ACO2: variants seen among roughly 807,000 people sequenced by gnomAD.
ACO2 encodes the protein aconitase 2.
A neutral mutation model predicts 84.5 loss-of-function variants in ACO2; 31 were observed. The observed-to-expected ratio is 0.37, with a 90% CI of 0.28 to 0.50. The LOEUF (loss-of-function observed/expected upper bound fraction) is 0.50. Among genes scored for constraint, ACO2 ranks in the 20% least tolerant of loss-of-function variants. The pLI is 0.97. For synonymous variants in ACO2, 414 were observed against 412.7 expected (o/e 1.00, Z -0.04); for missense variants, 685 against 1,029.3 (o/e 0.67, Z 4.58).
rs147690987 is a variant in ACO2 at position 41,473,827 on chromosome 22, C to T, written c.36+4645C>T. Among the ~76,000 whole-genome samples the T allele has an allele frequency of 2.9e-4, 44 of 152,176 alleles. No homozygotes were observed. The East Asian group carries it at 8.3e-3, about 29-fold the overall frequency. ...AATAGAAGGAGCATGTGCAGAGCAC[C>T]CACCTAGGTATGAGCTGAGTGTGTT... is the stretch of plus-strand genomic sequence containing the variant. On this transcript the variant is annotated intron_variant, in intron 1 of 17. Transcript: ENST00000216254.
intron 1 of ACO2, among the ~76,000 whole-genome samples, chr22:41,498,037 G>A (rs935452935): frequency 1.3e-5 from 2 of 152,086 alleles, no homozygotes; most frequent in Admixed American, 6.6e-5. Flanking sequence ...CCAGCTACGC[G>A]GGAGGCTGAG....
intron 1 of ACO2, among the ~76,000 whole-genome samples, chr22:41,475,554 C>G (rs571630722): frequency 2.0e-5 from 3 of 151,984 alleles, no homozygotes; most frequent in Non-Finnish European, 4.4e-5. Context: ...GGCCTCTCAG[C>G]ATGAAGGAAG....
chr22:41,485,167 T>C (rs7289999), intron 1 of ACO2, among the ~76,000 whole-genome samples: 9,409 of 152,146 alleles, frequency 0.062, 929 homozygotes, highest in African/African-American at 0.21. Context: ...CCACTGCTCC[T>C]GGTCAGGTTA....
At chr22:41,499,684 T>C in intron 1 of ACO2, 42 bp from the exon 2 acceptor site, 1 of 1,602,790 alleles carries the variant, frequency 6.2e-7, no homozygotes, top group East Asian at 2.2e-5. Flanking sequence ...TGGACTCTCC[T>C]AAGTGCTCCA....
At position 41,527,439 on chromosome 22, in the gene ACO2, C is replaced by G; in HGVS notation, c.2086+19C>G. ...ATCCACGGTGAGCTGGAGTCTGTAC[C>G]CAGGCCATCCTCATCCCATCCCTAG... On this transcript the variant is annotated intron_variant, in intron 16 of 17. Coordinates refer to ENST00000216254, the MANE Select transcript of ACO2 (RefSeq NM_001098.3). 1 of 1,596,918 alleles carries G rather than the reference C, an allele frequency of 6.3e-7. No homozygotes were observed.
At chr22:41,527,080 C>T (rs965366926) in intron 15 of ACO2, 3 of 671,576 alleles carry the variant, frequency 4.5e-6, no homozygotes, top group Admixed American at 2.9e-5. Flanking sequence ...CAACCACGTG[C>T]CTCTGTCCCC....
intron 1 of ACO2, among the ~76,000 whole-genome samples, chr22:41,488,196 G>A (rs1448171591): frequency 6.6e-6 from 1 of 152,150 alleles, no homozygotes; most frequent in African/African-American, 2.4e-5. Flanking sequence ...GGGCCCCATG[G>A]TGGTGTTCCC....
At chr22:41,518,618 G>C in intron 8 of ACO2, 46 bp downstream of exon 8, 1 of 1,457,400 alleles carries the variant, frequency 6.9e-7, no homozygotes, top group East Asian at 2.3e-5. Flanking sequence ...GAGAGTAGTG[G>C]GGAGCAGGGC....
intron 2 of ACO2, among the ~76,000 whole-genome samples, chr22:41,502,208 C>T (rs143635032): frequency 0.014 from 2,139 of 152,278 alleles, 29 homozygotes; most frequent in Non-Finnish European, 0.021. Flanking sequence ...CTGGGCCCCA[C>T]TCCCAGCAAT....
intron 3 of ACO2, 77 bp downstream of exon 3, chr22:41,508,126 C>T: frequency 6.6e-7 from 1 of 1,514,106 alleles, no homozygotes; most frequent in Non-Finnish European, 8.9e-7. Context: ...CTGGAGCAAA[C>T]CAGGGCATTG....
intron 2 of ACO2, 37 bp from the exon 3 acceptor site, chr22:41,507,754 C>A: frequency 6.3e-7 from 1 of 1,594,272 alleles, no homozygotes; most frequent in South Asian, 1.1e-5. Context: ...GGCCGTGCAG[C>A]TAGCACCAGG....
chr22:41,527,630 G>T, intron 16 of ACO2: 3 of 823,946 alleles, frequency 3.6e-6, no homozygotes, highest in Non-Finnish European at 5.6e-6. Context: ...CAGGCTTGTA[G>T]ATCTGAGCCG....
rs747295924 is a variant in ACO2, at chr22:41,523,194, C to G, written c.1297-11C>G. On this transcript the variant is annotated splice_polypyrimidine_tract_variant and intron_variant, in intron 10 of 17. Transcript: ENST00000216254. ...CACCCTTGACATTCTGTCTTCCTCT[C>G]TCCCTGGCAGGCACAGATCTTGAGG... 6.2e-7 allele frequency: 1 copy of G among 1,609,758 alleles called. No individual in the cohort carries two copies. Among genetic ancestry groups the G allele is most frequent in the Non-Finnish European group, 8.5e-7 (1 of 1,177,484 alleles).
intron 4 of ACO2, among the ~76,000 whole-genome samples, chr22:41,512,455 G>C (rs918307543): frequency 2.0e-5 from 3 of 152,304 alleles, no homozygotes; most frequent in African/African-American, 7.2e-5. Flanking sequence ...AGAGGAGGCA[G>C]CTGAGGCACA....
intron 1 of ACO2, among the ~76,000 whole-genome samples, chr22:41,491,319 A>G (rs1359381759): frequency 6.6e-6 from 1 of 152,178 alleles, no homozygotes; most frequent in South Asian, 2.1e-4. Context: ...CCATGAGCAG[A>G]AGGGGTTTGA....
intron 7 of ACO2, 84 bp downstream of exon 7, chr22:41,517,715 G>A (rs773029843): frequency 2.4e-6 from 3 of 1,263,850 alleles, no homozygotes; most frequent in Non-Finnish European, 3.4e-6. Flanking sequence ...TTTCCCTGTA[G>A]GGCAGGGGTT....
At chr22:41,504,160 G>A (rs2066374692) in intron 2 of ACO2, among the ~76,000 whole-genome samples, 1 of 152,228 alleles carries the variant, frequency 6.6e-6, no homozygotes, top group African/African-American at 2.4e-5. Flanking sequence ...ATGTTGCAGT[G>A]AGCTGAGACC....
Position 41,527,436 on chromosome 22 carries a change from T to C in ACO2, c.2086+16T>C. ...AGGATCCACGGTGAGCTGGAGTCTGTACCCAGGCCATCCTCATCCCATCCC... is the reference window on the plus strand; with the variant it reads ...AGGATCCACGGTGAGCTGGAGTCTGCACCCAGGCCATCCTCATCCCATCCC... On this transcript the variant is annotated intron_variant, in intron 16 of 17. Transcript: ENST00000216254. The C allele has an allele frequency of 1.2e-6, 2 of 1,600,042 alleles. No homozygotes were observed. Among genetic ancestry groups the C allele is most frequent in the Non-Finnish European group, 1.7e-6 (2 of 1,173,534 alleles).
intron 1 of ACO2, among the ~76,000 whole-genome samples, chr22:41,496,206 T>C (rs2066312239): frequency 6.6e-6 from 1 of 151,530 alleles, no homozygotes; most frequent in Middle Eastern, 3.2e-3. Flanking sequence ...GCCCAGCTAC[T>C]TGGGGGACTG....
Sources: allele counts gnomAD v4.1 joint callset (sites outside exome capture counted in the v4.1 genomes callset), GRCh38; gene constraint gnomAD v4.1.1; transcripts MANE v1.5; gene names NCBI Gene and HGNC (gene_info 2026-07-23, HGNC 2026-07-21).